The following WDR3 variants were observed in gnomAD, a reference collection of about 807,000 sequenced individuals.
WDR3 encodes WD repeat-containing protein 3.
A neutral mutation model predicts 123.7 loss-of-function variants in WDR3; 81 were observed. The observed-to-expected ratio is 0.65, with a 90% CI of 0.55 to 0.79. The LOEUF is 0.79. WDR3 is among the 30% of genes least tolerant of loss of function. WDR3 has a pLI of 0.00. For missense variants in WDR3, 1,027 were observed against 1,123.2 expected (o/e 0.91, Z 1.22); for synonymous variants, 390 against 388.8 (o/e 1.00, Z -0.04).
Position 117,950,002 on chromosome 1 carries a change from G to A in WDR3, c.1618G>A (p.Val540Met). The part of the protein sequence containing the change: ...DENSTQKRLS[V>M]KQTRTLQLDE... ...TGTTTTTTGTGGTGCTAGACTTTCTGTGAAGCAAACCCGAACTTTGCAACT... is the reference window on the plus strand; with the variant it reads ...TGTTTTTTGTGGTGCTAGACTTTCTATGAAGCAAACCCGAACTTTGCAACT... The change falls in exon 15 of 27, where the codon GTG becomes ATG. Residue 540 changes from valine to methionine, a missense_variant. Physicochemically the swap from Val to Met is conservative, Grantham distance 21. Transcript: ENST00000349139. The A allele has an allele frequency of 1.2e-6, 2 of 1,613,752 alleles. No homozygotes were observed. The highest frequency in any genetic ancestry group is 8.5e-7 in the Non-Finnish European group (1 of 1,179,828).
Position 117,943,499 on chromosome 1 carries a change from CCT to C in WDR3, c.1203_1204del (p.Gln402AlafsTer15). 1.2e-6 allele frequency: 2 copies of C among 1,614,116 alleles called. No homozygotes were observed. The highest frequency in any genetic ancestry group is 1.7e-6 in the Non-Finnish European group (2 of 1,180,028). On this transcript the variant is annotated frameshift_variant, in exon 11 of 27. Transcript: ENST00000349139. LOFTEE classifies it high-confidence loss of function. ...LYSLNPSLPT[P>X]QPVRTSRITI... Reference sequence around the variant, plus strand: ...TTCACTGAATCCATCCTTGCCTACTCCTCAGCCTGTCAGGACAAGCAGAATCA... The same window carrying C: ...TTCACTGAATCCATCCTTGCCTACTCCAGCCTGTCAGGACAAGCAGAATCA...
chr1:117,940,655 G>C (rs1431163656), intron 6 of WDR3, among the ~76,000 whole-genome samples, 172 bp from the exon 7 acceptor site: 3 of 152,134 alleles, frequency 2.0e-5, no homozygotes, highest in Non-Finnish European at 4.4e-5. Context: ...TTGAGCCCAG[G>C]AGATCAAGGC....
chr1:117,953,258 A>G (rs1163518971), intron 20 of WDR3, among the ~76,000 whole-genome samples: 3 of 152,196 alleles, frequency 2.0e-5, no homozygotes, highest in African/African-American at 7.2e-5. Flanking sequence ...CTGTAGCACA[A>G]AAATAAAAAT....
chr1:117,934,821 A>T, intron 3 of WDR3, 139 bp downstream of exon 3: 1 of 813,922 alleles, frequency 1.2e-6, no homozygotes, highest in African/African-American at 1.7e-5. Flanking sequence ...AGTGAAGAGG[A>T]TGGGTGTGAA....
intron 3 of WDR3, among the ~76,000 whole-genome samples, chr1:117,935,028 G>A (rs1250385379): frequency 1.3e-5 from 2 of 152,194 alleles, no homozygotes; most frequent in Non-Finnish European, 2.9e-5. Flanking sequence ...CTTCTGTAAA[G>A]TCAGTAGAAT....
chr1:117,934,503 G>T lies in WDR3; in HGVS notation c.202G>T (p.Val68Phe), dbSNP rs1181045754. The part of the protein sequence containing the change: ...ILILQGLKQE[V>F]TCLCPSPDGL... ...TATCCTTCAGGGGCTTAAACAAGAAGTTACTTGCTTATGCCCCTCCCCAGA... is the reference window on the plus strand; with the variant it reads ...TATCCTTCAGGGGCTTAAACAAGAATTTACTTGCTTATGCCCCTCCCCAGA... Residue 68 changes from valine to phenylalanine, a missense_variant, in exon 3 of 27, where the codon GTT (valine) becomes TTT (phenylalanine). Coordinates refer to ENST00000349139, the MANE Select transcript of WDR3 (RefSeq NM_006784.3). The T allele has an allele frequency of 1.9e-6, 3 of 1,613,994 alleles. No individual in the cohort carries two copies. Among genetic ancestry groups the T allele is most frequent in the Non-Finnish European group, 2.5e-6 (3 of 1,180,014 alleles).
chr1:117,931,956 C>T (rs1437555469), intron 1 of WDR3, among the ~76,000 whole-genome samples: 1 of 151,896 alleles, frequency 6.6e-6, no homozygotes, highest in Non-Finnish European at 1.5e-5. Flanking sequence ...TTAGAAAGAC[C>T]CTGTAGAGTT....
rs1402319966 is a variant in WDR3 at position 117,939,584 on chromosome 1, T to G, written c.675+12T>G. The G allele has an allele frequency of 6.2e-7, 1 of 1,612,324 alleles. No individual in the cohort carries two copies. Among genetic ancestry groups the G allele is most frequent in the Non-Finnish European group, 8.5e-7 (1 of 1,178,564 alleles). ...CTTATCTGCAAGAGGTAATTACTTC[T>G]TAAAATCATGGGCAATATGTTTAGA... On this transcript the variant is annotated intron_variant, in intron 6 of 26. Transcript: ENST00000349139.
rs1229214468 is a variant in WDR3 at position 117,966,026 on chromosome 1, C to T, written c.*6579C>T. On this transcript the variant is annotated 3_prime_UTR_variant, in exon 27 of 27. Coordinates refer to ENST00000349139, the MANE Select transcript of WDR3 (RefSeq NM_006784.3). ...ATCAAATAAATAGAGAACTGTAACA[C>T]AAGCAGCACACAATTCATGCCACTG... is the stretch of plus-strand genomic sequence containing the variant. The T allele has an allele frequency of 6.6e-6, 1 of 152,148 alleles. No individual in the cohort carries two copies. The highest frequency in any genetic ancestry group is 1.9e-4 in the East Asian group (1 of 5,196). The allele number at this position is 152,148 out of a possible 1,614,324, so 9.4% of individuals were successfully genotyped here.
chr1:117,931,331 A>G (rs1045397169), intron 1 of WDR3, among the ~76,000 whole-genome samples: 6 of 152,240 alleles, frequency 3.9e-5, no homozygotes, highest in African/African-American at 9.6e-5. Context: ...TAATTAAACA[A>G]TTGCATAATG....
At position 117,950,014 on chromosome 1, in the gene WDR3, C is replaced by G; in HGVS notation, c.1630C>G (p.Arg544Gly). 6.2e-7 allele frequency: 1 copy of G among 1,613,900 alleles called. No individual in the cohort carries two copies. The highest frequency in any genetic ancestry group is 8.5e-7 in the Non-Finnish European group (1 of 1,179,924). Residue 544 changes from arginine to glycine, a missense_variant, in exon 15 of 27, where the codon CGA becomes GGA. Arg to Gly is a moderately radical substitution (Grantham distance 125, BLOSUM62 -2). Coordinates refer to ENST00000349139, the MANE Select transcript of WDR3 (RefSeq NM_006784.3). ...TQKRLSVKQT[R>G]TLQLDEDVLC... ...TGCTAGACTTTCTGTGAAGCAAACC[C>G]GAACTTTGCAACTAGATGAAGATGT...
rs756539933 is a variant in WDR3, at chr1:117,948,374, T to C, written c.1423-31T>C. The C allele has an allele frequency of 1.3e-5, 20 of 1,592,276 alleles. 2 individuals carry two copies. In the South Asian group the frequency reaches 1.7e-4, roughly 13 times the overall value. On this transcript the variant is annotated intron_variant, in intron 12 of 26. Transcript: ENST00000349139. ...ATCATGGAGGTTGTACGTATGTTCA[T>C]TGGAGCTGTGCTCATTTTGTGTCTT...
chr1:117,932,615 T>C (rs1650774496), intron 1 of WDR3, among the ~76,000 whole-genome samples: 1 of 152,160 alleles, frequency 6.6e-6, no homozygotes, highest in African/African-American at 2.4e-5. Flanking sequence ...TTTCAATAGA[T>C]ATTCATTGAA....
chr1:117,943,482 A>C lies in WDR3; in HGVS notation c.1184A>C (p.Asn395Thr), dbSNP rs1489002786. 6.2e-7 allele frequency: 1 copy of C among 1,613,962 alleles called. No individual in the cohort carries two copies. Among genetic ancestry groups the C allele is most frequent in the African/African-American group, 1.3e-5 (1 of 74,894 alleles). The change falls in exon 11 of 27, where the codon AAT (asparagine) becomes ACT (threonine). Residue 395 changes from asparagine to threonine, a missense_variant. Coordinates refer to ENST00000349139, the MANE Select transcript of WDR3 (RefSeq NM_006784.3). ...QNNLVELYSL[N>T]PSLPTPQPVR... ...AACCTGGTGGAATTGTATTCACTGA[A>C]TCCATCCTTGCCTACTCCTCAGCCT... is the stretch of plus-strand genomic sequence containing the variant.
chr1:117,933,336 A>G lies in WDR3; in HGVS notation c.17A>G (p.Gln6Arg). The G allele has an allele frequency of 1.2e-6, 2 of 1,614,228 alleles. No individual in the cohort carries two copies. Among genetic ancestry groups the G allele is most frequent in the Non-Finnish European group, 1.7e-6 (2 of 1,180,022 alleles). Residue 6 changes from glutamine (Q) to arginine (R), a missense_variant, in exon 2 of 27, where the codon CAG (glutamine) becomes CGG (arginine). Transcript: ENST00000349139. MGLTKQYLRYVASAVF... is the reference protein window; with the variant it reads MGLTKRYLRYVASAVF... ...CATCACAACATGGGGCTCACCAAGC[A>G]GTACCTACGCTATGTTGCTAGTGCG...
chr1:117,957,683 A>T (rs897881171), intron 25 of WDR3, among the ~76,000 whole-genome samples: 8 of 152,050 alleles, frequency 5.3e-5, no homozygotes, highest in African/African-American at 1.9e-4. Flanking sequence ...AAACATTATG[A>T]TTTTTTTGTG....
intron 11 of WDR3, among the ~76,000 whole-genome samples, chr1:117,944,444 T>G (rs1389877669): frequency 6.6e-6 from 1 of 152,218 alleles, no homozygotes; most frequent in Non-Finnish European, 1.5e-5. Flanking sequence ...TGTAGCTTTC[T>G]CTGTATGATG....
chr1:117,933,714 G>A, intron 2 of WDR3: 1 of 588,634 alleles, frequency 1.7e-6, no homozygotes, highest in Non-Finnish European at 3.1e-6. Context: ...TTATTTCTTA[G>A]ATGTCTATTT....
chr1:117,932,598 G>A (rs1248086067), intron 1 of WDR3, among the ~76,000 whole-genome samples: 1 of 152,092 alleles, frequency 6.6e-6, no homozygotes, highest in Non-Finnish European at 1.5e-5. Flanking sequence ...CTGTCTAATT[G>A]GTAGGTTTTC....
Sources: gnomAD v4.1 joint callset for allele counts (sites outside exome capture counted in the v4.1 genomes callset) on GRCh38, gnomAD v4.1.1 for gene constraint, MANE v1.5 for transcripts, NCBI Gene and HGNC (gene_info 2026-07-23, HGNC 2026-07-21) for gene names.